Variants in SEMA6D observed in about 807,000 individuals in gnomAD.
SEMA6D encodes the protein semaphorin-6D.
Under a neutral mutation model 106.6 loss-of-function variants are expected in SEMA6D, and 35 were observed. That is an observed-to-expected ratio of 0.33 (90% confidence interval 0.25 to 0.44). SEMA6D has a LOEUF of 0.44. Ranked by LOEUF, SEMA6D falls within the 20% of genes least tolerant of loss-of-function variation. SEMA6D has a pLI of 1.00. For missense variants in SEMA6D, 1,185 were observed against 1,345.9 expected (o/e 0.88, Z 1.87); for synonymous variants, 499 against 487.7 (o/e 1.02, Z -0.31).
chr15:47,201,818 G>A (rs1267425342), intron 1 of SEMA6D, among the ~76,000 whole-genome samples: 1 of 152,080 alleles, frequency 6.6e-6, no homozygotes, highest in Admixed American at 6.6e-5. Flanking sequence ...CCACCAGTTG[G>A]TCTCTTATTC....
At chr15:47,661,624 GGAGACTTTGAAGGTAAGACTGTTT>G (rs1462986460) in intron 4 of SEMA6D, among the ~76,000 whole-genome samples, 1 of 152,180 alleles carries the variant, frequency 6.6e-6, no homozygotes, top group African/African-American at 2.4e-5. Flanking sequence ...GTGGGAAAAT[GGAGACTTTGAAGGTAAGACTGTTT>G]GTGCGTCCAA....
At chr15:47,319,349 G>A (rs1287337486) in intron 1 of SEMA6D, among the ~76,000 whole-genome samples, 2 of 152,042 alleles carry the variant, frequency 1.3e-5, no homozygotes, top group African/African-American at 4.8e-5. Flanking sequence ...TTGCCATTTT[G>A]TATTCCTTGT....
At chr15:47,419,028 C>T (rs2041069242) in intron 2 of SEMA6D, among the ~76,000 whole-genome samples, 1 of 152,024 alleles carries the variant, frequency 6.6e-6, no homozygotes, top group Admixed American at 6.6e-5. Context: ...TACAATGATC[C>T]TCTATGGAAT....
At chr15:47,681,087 T>G (rs1238595201) in intron 4 of SEMA6D, among the ~76,000 whole-genome samples, 2 of 152,186 alleles carry the variant, frequency 1.3e-5, no homozygotes, top group Non-Finnish European at 2.9e-5. Flanking sequence ...TTCTGGGTAT[T>G]TATGCAAAGG....
chr15:47,458,534 AT>A (rs1160356933), intron 2 of SEMA6D, among the ~76,000 whole-genome samples: 1 of 150,576 alleles, frequency 6.6e-6, no homozygotes, highest in Non-Finnish European at 1.5e-5. Context: ...ATGGAATTAA[AT>A]TAGGAATTAA....
chr15:47,470,241 A>G (rs1057161913), intron 2 of SEMA6D, among the ~76,000 whole-genome samples: 7 of 152,158 alleles, frequency 4.6e-5, no homozygotes, highest in Admixed American at 2.6e-4. Context: ...CTTACCTACA[A>G]TAACCATGCC....
chr15:47,210,438 C>T (rs1038048281), intron 1 of SEMA6D, among the ~76,000 whole-genome samples: 1 of 151,968 alleles, frequency 6.6e-6, no homozygotes, highest in African/African-American at 2.4e-5. Context: ...GTTACGTGCC[C>T]AAACCAGAAT....
At chr15:47,286,970 G>A (rs1229096977) in intron 1 of SEMA6D, among the ~76,000 whole-genome samples, 16 of 152,164 alleles carry the variant, frequency 1.1e-4, no homozygotes, top group African/African-American at 3.9e-4. Context: ...CATTTCTAGT[G>A]TTCTCTGACA....
At chr15:47,445,442 A>G (rs1257317476) in intron 2 of SEMA6D, among the ~76,000 whole-genome samples, 1 of 152,000 alleles carries the variant, frequency 6.6e-6, no homozygotes, top group African/African-American at 2.4e-5. Context: ...TAAACAATAC[A>G]TACCCATCAT....
intron 3 of SEMA6D, among the ~76,000 whole-genome samples, chr15:47,592,461 G>C (rs1018219746): frequency 6.6e-6 from 1 of 152,182 alleles, no homozygotes; most frequent in Non-Finnish European, 1.5e-5. Flanking sequence ...GTGATTGATT[G>C]GCTGGGTGTG....
chr15:47,481,522 C>G (rs569684154), intron 3 of SEMA6D, among the ~76,000 whole-genome samples: 107 of 152,164 alleles, frequency 7.0e-4, no homozygotes, highest in African/African-American at 2.6e-3. Flanking sequence ...CTGAGTGTTC[C>G]TAAGAATTCA....
At chr15:47,471,974 C>CACACACACACACACACACACA (rs71432244) in intron 3 of SEMA6D, among the ~76,000 whole-genome samples, 1 of 140,600 alleles carries the variant, frequency 7.1e-6, no homozygotes, top group African/African-American at 2.7e-5. Flanking sequence ...CACACACACA[C>CACACACACACACACACACACA]GAAAAAGAGA....
intron 3 of SEMA6D, among the ~76,000 whole-genome samples, chr15:47,491,319 G>A (rs1716217877): frequency 6.6e-6 from 1 of 152,082 alleles, no homozygotes; most frequent in African/African-American, 2.4e-5. Context: ...ATATTATACA[G>A]CAATGATAAC....
At chr15:47,286,312 A>T (rs1350072604) in intron 1 of SEMA6D, among the ~76,000 whole-genome samples, 1 of 150,332 alleles carries the variant, frequency 6.7e-6, no homozygotes, top group African/African-American at 2.5e-5. Flanking sequence ...GAAAGTTCTC[A>T]AACTTTTGGT....
At chr15:47,290,639 CACACAT>C (rs1308159248) in intron 1 of SEMA6D, among the ~76,000 whole-genome samples, 4 of 151,714 alleles carry the variant, frequency 2.6e-5, no homozygotes, top group African/African-American at 9.7e-5. Flanking sequence ...TACACACACA[CACACAT>C]ATATTCAAAT....
intron 3 of SEMA6D, among the ~76,000 whole-genome samples, chr15:47,587,572 C>T (rs563366365): frequency 6.6e-6 from 1 of 152,240 alleles, no homozygotes; most frequent in South Asian, 2.1e-4. Context: ...GATCCGAAGC[C>T]AGGGCTGGCA....
At chr15:47,384,880 C>T (rs1034160739) in intron 1 of SEMA6D, among the ~76,000 whole-genome samples, 1 of 87,204 alleles carries the variant, frequency 1.1e-5, no homozygotes, top group Non-Finnish European at 2.1e-5. Flanking sequence ...CTAGTCCTGG[C>T]AGATCATTTG....
At chr15:47,306,360 G>C (rs1276547960) in intron 1 of SEMA6D, among the ~76,000 whole-genome samples, 1 of 151,952 alleles carries the variant, frequency 6.6e-6, no homozygotes, top group Non-Finnish European at 1.5e-5. Context: ...CTTTTATAAT[G>C]TTTTAATTAC....
At chr15:47,657,526 C>T (rs1019784849) in intron 4 of SEMA6D, among the ~76,000 whole-genome samples, 5 of 151,620 alleles carry the variant, frequency 3.3e-5, no homozygotes, top group Admixed American at 2.6e-4. Flanking sequence ...TTTGCATTTC[C>T]TAATATTCTT....
Sources: gnomAD v4.1 joint callset for allele counts (sites outside exome capture counted in the v4.1 genomes callset) on GRCh38, gnomAD v4.1.1 for gene constraint, MANE v1.5 for transcripts, NCBI Gene and HGNC (gene_info 2026-07-23, HGNC 2026-07-21) for gene names.